LENG8: variants seen among roughly 807,000 people sequenced by gnomAD.
LENG8 encodes the protein leukocyte receptor cluster (LRC) member 8.
LENG8 carries 28 observed loss-of-function variants against 102.1 expected under a neutral mutation model. The ratio of observed to expected loss-of-function variants is 0.27; its 90% CI spans 0.20 to 0.38. The LOEUF is 0.38. Ranked by LOEUF, LENG8 falls within the 10% of genes least tolerant of loss-of-function variation. The probability of loss-of-function intolerance (pLI) is 1.00; values close to 1 mark genes in which losing one functional copy is unlikely to be tolerated. For missense variants in LENG8, 1,022 were observed against 1,113.9 expected, an observed-to-expected ratio of 0.92 and a Z score of 1.17; for synonymous variants, 531 against 456.7, an observed-to-expected ratio of 1.16 and a Z score of -2.07.
rs144069550 is a variant in LENG8 at position 54,457,804 on chromosome 19, G to A, written c.1789G>A (p.Ala597Thr). ...KCHWKEKQDY[A>T]FACEQMKSIR... is the part of the protein sequence containing the mutation. Reference sequence around the variant, plus strand: ...CCACTGGAAAGAGAAGCAGGACTACGCGTTTGCCTGCGAGCAGATGAAGTC... The same window carrying A: ...CCACTGGAAAGAGAAGCAGGACTACACGTTTGCCTGCGAGCAGATGAAGTC... The change falls in exon 12 of 16, where the codon GCG becomes ACG. Residue 597 changes from alanine to threonine, a missense_variant. By Grantham distance (58) the Ala-to-Thr change is moderately conservative. This residue lies in a region of LENG8 where 158 missense variants were observed against 229.0 expected (regional missense o/e 0.69). Coordinates refer to ENST00000326764, the MANE Select transcript of LENG8 (RefSeq NM_052925.4). 38 of 1,614,076 alleles carry A rather than the reference G, an allele frequency of 2.4e-5. No homozygotes were observed. The African/African-American group carries it at 4.0e-4, about 17-fold the overall frequency.
chr19:54,450,518 A>C lies in LENG8; in HGVS notation c.-55-772A>C, dbSNP rs1363531499. Among the ~76,000 whole-genome samples the C allele has an allele frequency of 4.6e-5, 7 of 151,966 alleles. No homozygotes were observed. The East Asian group carries it at 1.4e-3, about 29-fold the overall frequency. ...CCTCCCTTTTCACAGAGTTCTCGGA[A>C]ACCTTTCCACCCTCTCAGCCTTAAG... On this transcript the variant is annotated intron_variant, in intron 1 of 15. Coordinates refer to ENST00000326764, the MANE Select transcript of LENG8 (RefSeq NM_052925.4).
intron 5 of LENG8, 86 bp downstream of exon 5, chr19:54,453,742 A>G: frequency 1.1e-6 from 1 of 932,402 alleles, no homozygotes; most frequent in South Asian, 1.5e-5. Context: ...AATGGCTTGT[A>G]CTCCTTAAGC....
intron 15 of LENG8, chr19:54,459,173 A>C: frequency 1.7e-6 from 2 of 1,212,002 alleles, no homozygotes; most frequent in Non-Finnish European, 1.0e-6. Flanking sequence ...ACGCTGGGCA[A>C]TGTCAAGAGA....
At chr19:54,456,969 A>G in intron 11 of LENG8, 48 bp downstream of exon 11, 1 of 1,535,954 alleles carries the variant, frequency 6.5e-7, no homozygotes, top group Non-Finnish European at 8.7e-7. Context: ...GTGCTGGCTC[A>G]GGACTTGGGG....
chr19:54,460,526 T>C, intron 15 of LENG8: 1 of 1,395,808 alleles, frequency 7.2e-7, no homozygotes, highest in South Asian at 1.6e-5. Flanking sequence ...TCCCCGCTCC[T>C]CCCTGGCCCC....
intron 10 of LENG8, 31 bp downstream of exon 10, chr19:54,456,496 C>G (rs1350247138): frequency 6.3e-7 from 1 of 1,580,900 alleles, no homozygotes; most frequent in Non-Finnish European, 8.6e-7. Context: ...GACACACGGG[C>G]CAGGGTGGAG....
chr19:54,452,616 G>A, intron 3 of LENG8, 35 bp from the exon 4 acceptor site: 1 of 1,525,878 alleles, frequency 6.6e-7, no homozygotes, highest in Non-Finnish European at 8.9e-7. Flanking sequence ...TGTGGATTTG[G>A]GCTGCTGACG....
intron 1 of LENG8, among the ~76,000 whole-genome samples, chr19:54,450,919 C>T (rs2083934324): frequency 6.6e-6 from 1 of 152,184 alleles, no homozygotes; most frequent in African/African-American, 2.4e-5. Flanking sequence ...CGCGCCTGGC[C>T]CCTAGAATTT....
chr19:54,452,829 C>T (rs1351664727), intron 4 of LENG8, 77 bp downstream of exon 4: 21 of 1,012,348 alleles, frequency 2.1e-5, no homozygotes, highest in African/African-American at 1.3e-4. Context: ...TGGAGTCTGC[C>T]GGGATGGGGC....
At chr19:54,457,257 G>A (rs1239356988) in intron 11 of LENG8, among the ~76,000 whole-genome samples, 1 of 152,254 alleles carries the variant, frequency 6.6e-6, no homozygotes, top group African/African-American at 2.4e-5. Context: ...CGTAGTCACT[G>A]TTCTGCTGCA....
Position 54,460,083 on chromosome 19 carries a change from CTG to C in LENG8, c.2241-682_2241-681del, listed in dbSNP as rs1429513645. 4 of 1,289,584 alleles carry C rather than the reference CTG, an allele frequency of 3.1e-6. No homozygotes were observed. The African/African-American group carries it at 6.1e-5, about 20-fold the overall frequency. The allele number at this position is 1,289,584 out of a possible 1,614,324, so 79.9% of individuals were successfully genotyped here. ...GCTGACCCTGCCCTGCCAGCTGAGACTGGGAGACGGAGTGGGCTCTGATCCCA... is the reference window on the plus strand; with the variant it reads ...GCTGACCCTGCCCTGCCAGCTGAGACGGAGACGGAGTGGGCTCTGATCCCA... On this transcript the variant is annotated intron_variant, in intron 15 of 15. Coordinates refer to ENST00000326764, the MANE Select transcript of LENG8 (RefSeq NM_052925.4).
intron 1 of LENG8, among the ~76,000 whole-genome samples, chr19:54,450,098 T>C (rs550573255): frequency 6.6e-6 from 1 of 152,322 alleles, no homozygotes; most frequent in East Asian, 1.9e-4. Flanking sequence ...TCCACTTTTC[T>C]TCCAATTCTC....
intron 7 of LENG8, 34 bp downstream of exon 7, chr19:54,455,126 A>G (rs372801587): frequency 1.1e-5 from 17 of 1,612,854 alleles, no homozygotes; most frequent in Non-Finnish European, 1.4e-5. Context: ...TCGCAGCCCC[A>G]CACTCTGCAC....
chr19:54,453,482 A>C (rs2084058291), intron 4 of LENG8, 64 bp from the exon 5 acceptor site: 1 of 1,058,766 alleles, frequency 9.4e-7, no homozygotes, highest in Non-Finnish European at 1.5e-6. Context: ...GTAGTTCCTG[A>C]GCAGGCTGGG....
intron 15 of LENG8, 63 bp from the exon 16 acceptor site, chr19:54,460,703 C>T (rs914126454): frequency 3.2e-5 from 46 of 1,447,484 alleles, no homozygotes; most frequent in African/African-American, 8.6e-5. Context: ...CCTCCCCGCT[C>T]GTGGGGCCCT....
At chr19:54,457,180 G>A (rs970535160) in intron 11 of LENG8, among the ~76,000 whole-genome samples, 5 of 152,376 alleles carry the variant, frequency 3.3e-5, no homozygotes, top group Non-Finnish European at 4.4e-5. Context: ...TAGGTGACAC[G>A]GAGCATAAAG....
At chr19:54,452,543 C>A in intron 3 of LENG8, 108 bp from the exon 4 acceptor site, 1 of 908,358 alleles carries the variant, frequency 1.1e-6, no homozygotes, top group Non-Finnish European at 1.8e-6. Flanking sequence ...ATACATGGAC[C>A]CAGTTTCATC....
At chr19:54,456,575 G>A in intron 10 of LENG8, 61 bp from the exon 11 acceptor site, 2 of 1,549,354 alleles carry the variant, frequency 1.3e-6, no homozygotes, top group Non-Finnish European at 1.7e-6. Flanking sequence ...CTGCCAAAGG[G>A]GCGAGGCTGA....
Position 54,461,840 on chromosome 19 carries a change from A to C in LENG8, c.*912A>C. 1 of 564,892 alleles carries C rather than the reference A, an allele frequency of 1.8e-6. No homozygotes were observed. The highest frequency in any genetic ancestry group is 2.1e-5 in the African/African-American group (1 of 48,742). 35.0% of individuals were successfully genotyped at this position (564,892 alleles called of 1,614,324 possible). Reference sequence around the variant, plus strand: ...CCCTCTTCTGCCATGTAACTGGAGGATGTGCTATGAGTTTGCAAACAGCTG... The same window carrying C: ...CCCTCTTCTGCCATGTAACTGGAGGCTGTGCTATGAGTTTGCAAACAGCTG... On this transcript the variant is annotated 3_prime_UTR_variant, in exon 16 of 16. Transcript: ENST00000326764.
Sources: gnomAD v4.1 joint callset for allele counts (sites outside exome capture counted in the v4.1 genomes callset) on GRCh38, gnomAD v4.1.1 for gene constraint, gnomAD v4.1.1 regional missense constraint, MANE v1.5 for transcripts, NCBI Gene and HGNC (gene_info 2026-07-23, HGNC 2026-07-21) for gene names.